Variants in BICC1 observed in about 807,000 individuals in gnomAD.
BICC1 encodes protein bicaudal C homolog 1.
In BICC1, 43 loss-of-function variants were observed where a neutral mutation model predicts 111.0. The observed-to-expected ratio is 0.39, with a 90% CI of 0.30 to 0.50. BICC1 has a LOEUF of 0.50. Among genes scored for constraint, BICC1 ranks in the 20% least tolerant of loss-of-function variants. The pLI is 0.88. For synonymous variants in BICC1, 467 were observed against 434.4 expected, an observed-to-expected ratio of 1.07 and a Z score of -0.93; for missense variants, 1,091 against 1,203.2, an observed-to-expected ratio of 0.91 and a Z score of 1.38.
chr10:58,535,181 A>G (rs1452862456), intron 1 of BICC1, among the ~76,000 whole-genome samples: 1 of 151,830 alleles, frequency 6.6e-6, no homozygotes, highest in African/African-American at 2.4e-5. Context: ...TAATTGAGGA[A>G]AACTTCCCTG....
chr10:58,755,270 G>C (rs1404434660), intron 3 of BICC1, among the ~76,000 whole-genome samples: 3 of 152,130 alleles, frequency 2.0e-5, no homozygotes, highest in Admixed American at 1.3e-4. Flanking sequence ...ACTGTTTAGT[G>C]TCTAGCCTGC....
At chr10:58,585,309 T>C (rs947673563) in intron 1 of BICC1, among the ~76,000 whole-genome samples, 2 of 152,180 alleles carry the variant, frequency 1.3e-5, no homozygotes, top group Non-Finnish European at 2.9e-5. Flanking sequence ...CTTTTAAAAA[T>C]CAGGTATGAT....
At chr10:58,520,393 C>A (rs1658495) in intron 1 of BICC1, among the ~76,000 whole-genome samples, 85,877 of 151,910 alleles carry the variant, frequency 0.57, 26,066 homozygotes, top group African/African-American at 0.8. Context: ...CCATCTAGGG[C>A]AGTCTCCAGA....
intron 1 of BICC1, among the ~76,000 whole-genome samples, chr10:58,617,191 C>T (rs933772951): frequency 3.3e-5 from 5 of 152,226 alleles, no homozygotes; most frequent in African/African-American, 2.4e-5. Flanking sequence ...CCTTCAGGCT[C>T]GTGAGAGTAC....
intron 1 of BICC1, among the ~76,000 whole-genome samples, chr10:58,533,305 A>G (rs938512281): frequency 1.3e-5 from 2 of 151,818 alleles, no homozygotes; most frequent in Non-Finnish European, 2.9e-5. Flanking sequence ...TAATTTAAAA[A>G]CATCTTTAAA....
chr10:58,646,861 G>T (rs1297851666), intron 2 of BICC1, among the ~76,000 whole-genome samples: 1 of 151,964 alleles, frequency 6.6e-6, no homozygotes, highest in Non-Finnish European at 1.5e-5. Context: ...ACAACAGAAG[G>T]TATTTCTTTT....
intron 3 of BICC1, among the ~76,000 whole-genome samples, chr10:58,729,147 A>T (rs1841207242): frequency 6.6e-6 from 1 of 152,158 alleles, no homozygotes; most frequent in Admixed American, 6.5e-5. Context: ...GCAGACACTG[A>T]CTTCTCCTTT....
intron 3 of BICC1, among the ~76,000 whole-genome samples, chr10:58,708,587 G>A (rs1466351993): frequency 6.6e-6 from 1 of 152,208 alleles, no homozygotes; most frequent in Admixed American, 6.5e-5. Flanking sequence ...AAGAAATGGT[G>A]TCTGATATAC....
In BICC1 at chr10:58,787,059, A is replaced by G; in HGVS notation, c.524A>G (p.Asn175Ser). 6.3e-7 allele frequency: 1 copy of G among 1,589,282 alleles called. No individual in the cohort carries two copies. Among genetic ancestry groups the G allele is most frequent in the Non-Finnish European group, 8.5e-7 (1 of 1,171,808 alleles). Reference protein sequence around the residue: ...HIHFPDSNRNNQAEKSNQVSI... With the variant: ...HIHFPDSNRNSQAEKSNQVSI... ...CACTTTCCAGATTCCAACAGGAATA[A>G]CCAAGCAGAAAAAAGCAACCAGGTG... is the stretch of plus-strand genomic sequence containing the variant. The change falls in exon 5 of 21, where the codon AAC becomes AGC. Residue 175 changes from asparagine to serine, a missense_variant. By Grantham distance (46) the Asn-to-Ser change is conservative (BLOSUM62 1). This residue lies in a region of BICC1 where 843 missense variants were observed against 900.8 expected (regional missense o/e 0.94). Transcript: ENST00000373886.
At chr10:58,642,955 C>T (rs998644097) in intron 2 of BICC1, among the ~76,000 whole-genome samples, 6 of 152,118 alleles carry the variant, frequency 3.9e-5, no homozygotes, top group Non-Finnish European at 8.8e-5. Flanking sequence ...CCTCCTGCCT[C>T]GGCCTCCCAA....
intron 1 of BICC1, among the ~76,000 whole-genome samples, chr10:58,612,321 A>G (rs1845453572): frequency 6.6e-6 from 1 of 152,220 alleles, no homozygotes; most frequent in South Asian, 2.1e-4. Context: ...TAGAAACTGC[A>G]TCTTCTACAT....
At chr10:58,660,449 A>G (rs1046000373) in intron 2 of BICC1, among the ~76,000 whole-genome samples, 2 of 151,900 alleles carry the variant, frequency 1.3e-5, no homozygotes, top group South Asian at 2.1e-4. Flanking sequence ...CTCTTGTTTT[A>G]TAAATTTCCT....
chr10:58,678,113 G>A (rs1282355589), intron 2 of BICC1, among the ~76,000 whole-genome samples: 4 of 152,180 alleles, frequency 2.6e-5, no homozygotes, highest in Non-Finnish European at 5.9e-5. Flanking sequence ...CACCATCGAT[G>A]CTAGGAAGAA....
In BICC1 at chr10:58,800,282, C is replaced by G. The variant is rs1444497022; in HGVS notation, c.1814C>G (p.Thr605Arg). Reference sequence around the variant, plus strand: ...AATCACGGGGATCCGTCCATCCAGACAAGTGGGTCTGAGCAGACATCTCCC... The same window carrying G: ...AATCACGGGGATCCGTCCATCCAGAGAAGTGGGTCTGAGCAGACATCTCCC... ...SANHGDPSIQ[T>R]SGSEQTSPKS... Residue 605 changes from threonine (T) to arginine (R), a missense_variant, in exon 13 of 21, where the codon ACA (threonine) becomes AGA (arginine). Thr to Arg is a moderately conservative substitution (Grantham distance 71, BLOSUM62 -1). Coordinates refer to ENST00000373886, the MANE Select transcript of BICC1 (RefSeq NM_001080512.3). The G allele has an allele frequency of 1.9e-6, 3 of 1,613,704 alleles. No individual in the cohort carries two copies. The highest frequency in any genetic ancestry group is 2.5e-6 in the Non-Finnish European group (3 of 1,179,836).
chr10:58,563,268 G>A (rs1342839654), intron 1 of BICC1, among the ~76,000 whole-genome samples: 1 of 152,084 alleles, frequency 6.6e-6, no homozygotes, highest in Non-Finnish European at 1.5e-5. Context: ...TGGGGGTTGC[G>A]GGGGAGACCC....
At chr10:58,575,001 G>C (rs1441705550) in intron 1 of BICC1, among the ~76,000 whole-genome samples, 1 of 151,406 alleles carries the variant, frequency 6.6e-6, no homozygotes, top group Non-Finnish European at 1.5e-5. Flanking sequence ...AAATTATTTT[G>C]ACCCCTCAAA....
At chr10:58,827,610 AGTGC>A (rs1239642581) in intron 20 of BICC1, among the ~76,000 whole-genome samples, 1 of 152,212 alleles carries the variant, frequency 6.6e-6, no homozygotes, top group Non-Finnish European at 1.5e-5. Flanking sequence ...TAGAAGAAGC[AGTGC>A]CAGAAAGCAA....
intron 1 of BICC1, among the ~76,000 whole-genome samples, chr10:58,580,281 C>T (rs1844244692): frequency 6.6e-6 from 1 of 152,138 alleles, no homozygotes; most frequent in Non-Finnish European, 1.5e-5. Context: ...GCCTCTGCCT[C>T]CCACATTGCT....
Position 58,730,955 on chromosome 10 carries a change from G to A in BICC1, c.307+28812G>A, listed in dbSNP as rs115922789. Among the ~76,000 whole-genome samples, 617 of 152,168 alleles carry A rather than the reference G, an allele frequency of 4.1e-3. 13 individuals are homozygous for A. The highest frequency in any genetic ancestry group is 0.014 in the African/African-American group (586 of 41,522). On this transcript the variant is annotated intron_variant, in intron 3 of 20. Transcript: ENST00000373886. ...TGCTTGAATTCCTCCTTTGAAAATG[G>A]GCTTTTCTTTTCTAACACAGAAGCA...
Sources: gnomAD v4.1 joint callset for allele counts (sites outside exome capture counted in the v4.1 genomes callset) on GRCh38, gnomAD v4.1.1 for gene constraint, gnomAD v4.1.1 regional missense constraint, MANE v1.5 for transcripts, NCBI Gene and HGNC (gene_info 2026-07-23, HGNC 2026-07-21) for gene names.